Variants in ROR1 observed in about 807,000 individuals in gnomAD.
ROR1 encodes the protein ROR family WNT receptor 1, also known as inactive tyrosine-protein kinase transmembrane receptor ROR1.
Under a neutral mutation model 78.8 loss-of-function variants are expected in ROR1, and 19 were observed. The observed-to-expected ratio is 0.24, with a 90% CI of 0.17 to 0.35. ROR1 has a LOEUF of 0.35. Ranked by LOEUF, ROR1 falls within the 10% of genes least tolerant of loss-of-function variation. The pLI is 1.00. For missense variants in ROR1, 917 were observed against 1,177.8 expected, an observed-to-expected ratio of 0.78 and a Z score of 3.24; for synonymous variants, 386 against 433.6, an observed-to-expected ratio of 0.89 and a Z score of 1.36.
intron 4 of ROR1, among the ~76,000 whole-genome samples, chr1:64,103,129 G>A (rs1647634303): frequency 6.6e-6 from 1 of 152,136 alleles, no homozygotes; most frequent in Non-Finnish European, 1.5e-5. Context: ...AAGATGTTAG[G>A]TTCGCTATGG....
intron 4 of ROR1, among the ~76,000 whole-genome samples, chr1:64,087,414 C>T: frequency 6.6e-6 from 1 of 152,180 alleles, no homozygotes. Flanking sequence ...GGCATTCATT[C>T]TGAGAAAAGA....
chr1:63,814,842 C>T (rs1644880670), intron 1 of ROR1, among the ~76,000 whole-genome samples: 1 of 152,188 alleles, frequency 6.6e-6, no homozygotes. Flanking sequence ...AGGTTCCTAA[C>T]AGGCCATGGA....
At chr1:63,981,429 C>T (rs1177231861) in intron 1 of ROR1, among the ~76,000 whole-genome samples, 1 of 152,118 alleles carries the variant, frequency 6.6e-6, no homozygotes, top group African/African-American at 2.4e-5. Flanking sequence ...AGTGGAATGT[C>T]CCCAAGGCCC....
chr1:63,931,856 A>C (rs984818992), intron 1 of ROR1, among the ~76,000 whole-genome samples: 10 of 152,140 alleles, frequency 6.6e-5, no homozygotes, highest in Admixed American at 5.2e-4. Context: ...ATTAGTTATT[A>C]TTGTTAATCT....
chr1:63,976,852 A>G (rs983114911), intron 1 of ROR1, among the ~76,000 whole-genome samples: 3 of 152,206 alleles, frequency 2.0e-5, no homozygotes, highest in Non-Finnish European at 1.5e-5. Flanking sequence ...GTCTAAACAC[A>G]AAATTCATTA....
In ROR1 at chr1:64,014,762, A is replaced by ACATACGCACAC. The variant is rs1570060721; in HGVS notation, c.163+5386_163+5387insCATACGCACAC. Among the ~76,000 whole-genome samples the ACATACGCACAC allele has an allele frequency of 1.3e-4, 8 of 63,402 alleles. 1 individual carries two copies. The highest frequency in any genetic ancestry group is 2.4e-4 in the Non-Finnish European group (7 of 29,364). The allele number at this position is 63,402 out of a possible 152,430, so 41.6% of individuals were successfully genotyped here. ...ACACTATATATATATATATATATATATATATATATATACACATTTTGTCCT... is the reference window on the plus strand; with the variant it reads ...ACACTATATATATATATATATATATACATACGCACACTATATATATATACACATTTTGTCCT... On this transcript the variant is annotated intron_variant, in intron 2 of 8. Transcript: ENST00000371079.
intron 1 of ROR1, among the ~76,000 whole-genome samples, chr1:63,837,931 G>C (rs72928741): frequency 0.042 from 6,359 of 152,248 alleles, 448 homozygotes; most frequent in African/African-American, 0.15. Flanking sequence ...GTCAGCGTTA[G>C]AACTGCATAT....
At chr1:63,960,495 A>G (rs1277398195) in intron 1 of ROR1, among the ~76,000 whole-genome samples, 1 of 152,188 alleles carries the variant, frequency 6.6e-6, no homozygotes, top group Non-Finnish European at 1.5e-5. Flanking sequence ...TTATTTTTGA[A>G]TAGGAACAGG....
intron 1 of ROR1, among the ~76,000 whole-genome samples, chr1:64,006,246 C>T (rs985968990): frequency 5.3e-5 from 8 of 152,194 alleles, no homozygotes; most frequent in African/African-American, 1.9e-4. Flanking sequence ...TTTAATCCCA[C>T]CACTTTCCAA....
At chr1:63,833,425 G>A (rs926232694) in intron 1 of ROR1, among the ~76,000 whole-genome samples, 18 of 152,314 alleles carry the variant, frequency 1.2e-4, no homozygotes, top group African/African-American at 4.3e-4. Context: ...GAGAAGACAT[G>A]AGAATGATCT....
intron 2 of ROR1, among the ~76,000 whole-genome samples, chr1:64,035,344 A>G (rs1251084019): frequency 1.3e-5 from 2 of 152,226 alleles, no homozygotes; most frequent in African/African-American, 4.8e-5. Flanking sequence ...TGTCCTTATC[A>G]ATAATCCATA....
At chr1:64,008,435 T>G (rs1016938015) in intron 1 of ROR1, among the ~76,000 whole-genome samples, 12 of 152,286 alleles carry the variant, frequency 7.9e-5, no homozygotes, top group Non-Finnish European at 1.3e-4. Flanking sequence ...ATGATGCAGG[T>G]GTCTTTTTGG....
intron 1 of ROR1, among the ~76,000 whole-genome samples, chr1:64,004,105 T>A (rs890456089): frequency 1.3e-4 from 20 of 152,392 alleles, no homozygotes; most frequent in Non-Finnish European, 2.9e-5. Context: ...GAAGTCAGCA[T>A]GTATTTCCTT....
chr1:63,877,786 A>G (rs1645297173), intron 1 of ROR1, among the ~76,000 whole-genome samples: 1 of 152,108 alleles, frequency 6.6e-6, no homozygotes, highest in African/African-American at 2.4e-5. Flanking sequence ...TTTATTAGAC[A>G]TTTTGGGGGG....
intron 1 of ROR1, among the ~76,000 whole-genome samples, chr1:63,783,450 G>A (rs1293961865): frequency 6.6e-6 from 1 of 152,108 alleles, no homozygotes; most frequent in Non-Finnish European, 1.5e-5. Context: ...AACACACTGA[G>A]CATACTGTGG....
intron 1 of ROR1, among the ~76,000 whole-genome samples, chr1:63,975,442 C>A (rs1184654987): frequency 6.6e-6 from 1 of 152,066 alleles, no homozygotes; most frequent in Non-Finnish European, 1.5e-5. Context: ...GCTCTTCAGT[C>A]TTTAAAAAAC....
At position 63,774,570 on chromosome 1, in the gene ROR1, C is replaced by A. The variant is rs1644601146; in HGVS notation, c.91+62C>A. On this transcript the variant is annotated intron_variant, in intron 1 of 8. Transcript: ENST00000371079. The surrounding 1 kb of genome is among the most constrained non-coding windows in gnomAD (Gnocchi z 5.7). ...CCCTGACCCGTGGCCACCCTTCCGC[C>A]GTCCAGCCGGGCGCGGGACACGCAG... The A allele has an allele frequency of 3.3e-6, 3 of 905,478 alleles. No homozygotes were observed. Among genetic ancestry groups the A allele is most frequent in the Non-Finnish European group, 4.0e-6 (3 of 743,080 alleles). 56.1% of individuals were successfully genotyped at this position (905,478 alleles called of 1,614,324 possible).
At chr1:63,839,783 T>C (rs1470339534) in intron 1 of ROR1, among the ~76,000 whole-genome samples, 1 of 152,188 alleles carries the variant, frequency 6.6e-6, no homozygotes, top group Non-Finnish European at 1.5e-5. Context: ...TTTCCAAGTC[T>C]TTATAGATAT....
At chr1:64,017,870 T>C (rs1210649099) in intron 2 of ROR1, among the ~76,000 whole-genome samples, 1 of 152,194 alleles carries the variant, frequency 6.6e-6, no homozygotes, top group Admixed American at 6.5e-5. Flanking sequence ...ATCTACCTTA[T>C]ATCTTGAGTC....
Sources: allele counts gnomAD v4.1 joint callset (sites outside exome capture counted in the v4.1 genomes callset), GRCh38; gene constraint gnomAD v4.1.1; non-coding constraint Gnocchi (gnomAD v3.1); transcripts MANE v1.5; gene names NCBI Gene and HGNC (gene_info 2026-07-23, HGNC 2026-07-21).